INPP4B: variants seen among roughly 807,000 people sequenced by gnomAD.
The protein encoded by INPP4B is inositol polyphosphate 4-phosphatase type II.
A neutral mutation model predicts 122.5 loss-of-function variants in INPP4B; 55 were observed. The ratio of observed to expected loss-of-function variants is 0.45; its 90% confidence interval spans 0.36 to 0.56. The LOEUF (loss-of-function observed/expected upper bound fraction) is 0.56. Among genes scored for constraint, INPP4B ranks in the 20% least tolerant of loss-of-function variants. INPP4B has a pLI of 0.00. For synonymous variants in INPP4B, 403 were observed against 388.7 expected, an observed-to-expected ratio of 1.04 and a Z score of -0.43; for missense variants, 1,000 against 1,097.7, an observed-to-expected ratio of 0.91 and a Z score of 1.26.
At chr4:142,259,628 A>G (rs888717964) in intron 11 of INPP4B, among the ~76,000 whole-genome samples, 1 of 151,688 alleles carries the variant, frequency 6.6e-6, no homozygotes, top group Non-Finnish European at 1.5e-5. Flanking sequence ...TAGGATTACT[A>G]TAACTTTTTT....
intron 2 of INPP4B, among the ~76,000 whole-genome samples, chr4:142,652,416 G>T (rs1157598448): frequency 6.6e-6 from 1 of 152,138 alleles, no homozygotes; most frequent in Non-Finnish European, 1.5e-5. Context: ...ATTAGGAAAA[G>T]AGGAAGTCAA....
chr4:142,632,449 G>C (rs933496179), intron 2 of INPP4B, among the ~76,000 whole-genome samples: 2 of 151,976 alleles, frequency 1.3e-5, no homozygotes, highest in Non-Finnish European at 2.9e-5. Flanking sequence ...GTTGTGAGGA[G>C]GGGGGAGATG....
intron 11 of INPP4B, among the ~76,000 whole-genome samples, chr4:142,257,612 C>A (rs1191115364): frequency 1.3e-5 from 2 of 152,100 alleles, no homozygotes; most frequent in African/African-American, 4.8e-5. Context: ...ACAATTGCTT[C>A]AAAGAGAATC....
intron 18 of INPP4B, among the ~76,000 whole-genome samples, chr4:142,134,180 A>C (rs2152801390): frequency 6.6e-6 from 1 of 152,346 alleles, no homozygotes; most frequent in South Asian, 2.1e-4. Context: ...ATCACCTTTA[A>C]AAACGTGGCA....
At chr4:142,292,542 C>G (rs1756890785) in intron 9 of INPP4B, among the ~76,000 whole-genome samples, 1 of 152,170 alleles carries the variant, frequency 6.6e-6, no homozygotes, top group African/African-American at 2.4e-5. Context: ...ATAATCCCCA[C>G]TTACACCATT....
chr4:142,080,748 C>T (rs1773500849), intron 25 of INPP4B, among the ~76,000 whole-genome samples: 2 of 152,110 alleles, frequency 1.3e-5, no homozygotes, highest in Admixed American at 1.3e-4. Context: ...TTACCTAAAT[C>T]AGTTTAGTCC....
At chr4:142,030,225 C>T (rs1042552156) in intron 25 of INPP4B, 12 of 1,535,388 alleles carry the variant, frequency 7.8e-6, no homozygotes, top group East Asian at 2.4e-5. Context: ...ATAGAAGTGT[C>T]GAGAAGTTGG....
chr4:142,734,714 C>T (rs780357798), intron 1 of INPP4B, among the ~76,000 whole-genome samples: 2 of 152,264 alleles, frequency 1.3e-5, no homozygotes, highest in East Asian at 3.9e-4. Context: ...AGGGCGATCT[C>T]GGCTCACTGC....
intron 2 of INPP4B, among the ~76,000 whole-genome samples, chr4:142,541,390 T>C (rs1311840046): frequency 6.6e-6 from 1 of 152,180 alleles, no homozygotes; most frequent in African/African-American, 2.4e-5. Context: ...GCAAGGGTTC[T>C]GGTTGGCTAC....
chr4:142,072,311 G>A (rs1767928606), intron 25 of INPP4B, among the ~76,000 whole-genome samples: 1 of 151,074 alleles, frequency 6.6e-6, no homozygotes. Flanking sequence ...ACAGGGTGGG[G>A]AACATCACAC....
At position 142,473,663 on chromosome 4, in the gene INPP4B, G is replaced by C. The variant is rs187259461; in HGVS notation, c.-190-10937C>G. On this transcript the variant is annotated intron_variant, in intron 2 of 25. Coordinates refer to ENST00000262992, the MANE Select transcript of INPP4B (RefSeq NM_001101669.3). ...TGCTCCACCCAGCTCACTGGACAAG[G>C]TCCCATGTTAGGTTCTAGTCCAGCG... is the stretch of plus-strand genomic sequence containing the variant. Among the ~76,000 whole-genome samples, 4 of 152,278 alleles carry C rather than the reference G, an allele frequency of 2.6e-5. No homozygotes were observed. The East Asian group carries it at 5.8e-4, about 22-fold the overall frequency.
At chr4:142,631,243 C>A (rs911829228) in intron 2 of INPP4B, among the ~76,000 whole-genome samples, 3 of 151,840 alleles carry the variant, frequency 2.0e-5, no homozygotes, top group African/African-American at 7.3e-5. Flanking sequence ...AGAAGTGGAG[C>A]CATAAGAAAT....
At chr4:142,675,103 C>A (rs1248882883) in intron 2 of INPP4B, among the ~76,000 whole-genome samples, 4 of 152,054 alleles carry the variant, frequency 2.6e-5, no homozygotes, top group Non-Finnish European at 4.4e-5. Context: ...AATAGATAGA[C>A]CACTAGCCAG....
intron 7 of INPP4B, among the ~76,000 whole-genome samples, chr4:142,354,032 C>T (rs967333395): frequency 2.0e-5 from 3 of 151,904 alleles, no homozygotes; most frequent in African/African-American, 7.3e-5. Context: ...TAATGCCGTT[C>T]AAGGTCACAG....
At chr4:142,677,244 G>C (rs920814905) in intron 2 of INPP4B, among the ~76,000 whole-genome samples, 1 of 152,100 alleles carries the variant, frequency 6.6e-6, no homozygotes, top group Non-Finnish European at 1.5e-5. Context: ...ATGTAAAAAA[G>C]CTCATCATCA....
At chr4:142,570,795 A>C (rs1398548336) in intron 2 of INPP4B, among the ~76,000 whole-genome samples, 1 of 151,868 alleles carries the variant, frequency 6.6e-6, no homozygotes, top group Non-Finnish European at 1.5e-5. Context: ...ATGTTAATGA[A>C]TTTTACTTCC....
intron 7 of INPP4B, among the ~76,000 whole-genome samples, chr4:142,393,008 T>C (rs1284524037): frequency 6.6e-6 from 1 of 152,208 alleles, no homozygotes; most frequent in African/African-American, 2.4e-5. Context: ...CCTGGTGTGC[T>C]GTATTCTCTC....
At chr4:142,106,217 A>G (rs184715266) in intron 23 of INPP4B, among the ~76,000 whole-genome samples, 209 of 152,362 alleles carry the variant, frequency 1.4e-3, no homozygotes, top group African/African-American at 4.9e-3. Flanking sequence ...GGAGAGAAAT[A>G]TATTTACATG....
chr4:142,594,732 G>A (rs181545124), intron 2 of INPP4B, among the ~76,000 whole-genome samples: 1 of 152,182 alleles, frequency 6.6e-6, no homozygotes, highest in East Asian at 1.9e-4. Context: ...GAGGCGGTTG[G>A]ATCACCAGGT....
Sources: allele counts gnomAD v4.1 joint callset (sites outside exome capture counted in the v4.1 genomes callset), GRCh38; gene constraint gnomAD v4.1.1; transcripts MANE v1.5; gene names NCBI Gene and HGNC (gene_info 2026-07-23, HGNC 2026-07-21).